The following REV3L variants were observed in gnomAD, a reference collection of about 807,000 sequenced individuals.
REV3L encodes DNA polymerase zeta catalytic subunit.
REV3L carries 69 observed loss-of-function variants against 299.4 expected under a neutral mutation model. The ratio of observed to expected loss-of-function variants is 0.23; its 90% CI spans 0.19 to 0.28. The LOEUF (loss-of-function observed/expected upper bound fraction) is 0.28. Ranked by LOEUF, REV3L falls within the 10% of genes least tolerant of loss-of-function variation. The probability of loss-of-function intolerance (pLI) is 1.00; values close to 1 mark genes in which losing one functional copy is unlikely to be tolerated. For missense variants in REV3L, 3,128 were observed against 3,693.8 expected, an observed-to-expected ratio of 0.85 and a Z score of 3.97; for synonymous variants, 1,238 against 1,271.4, an observed-to-expected ratio of 0.97 and a Z score of 0.56.
chr6:111,310,786 A>G (rs1772886790), intron 29 of REV3L: 2 of 315,234 alleles, frequency 6.3e-6, no homozygotes, highest in Admixed American at 4.8e-5. Context: ...TGGTAGAACA[A>G]TATTAAGGAC....
intron 13 of REV3L, among the ~76,000 whole-genome samples, chr6:111,370,235 C>T (rs1364103395): frequency 6.6e-6 from 1 of 152,164 alleles, no homozygotes; most frequent in Non-Finnish European, 1.5e-5. Flanking sequence ...AAGGTAATGA[C>T]TAGCACATAA....
chr6:111,373,537 T>C lies in REV3L; in HGVS notation c.4818A>G (p.Leu1606=), dbSNP rs745490439. 1 of 1,613,384 alleles carries C rather than the reference T, an allele frequency of 6.2e-7. No individual in the cohort carries two copies. Among genetic ancestry groups the C allele is most frequent in the Non-Finnish European group, 8.5e-7 (1 of 1,179,836 alleles). The change falls in exon 13 of 32, where the codon TTA becomes TTG. Residue 1606 remains leucine, a synonymous_variant. Coordinates refer to ENST00000368802, the MANE Select transcript of REV3L (RefSeq NM_001372078.1). Reference sequence around the variant, plus strand: ...AGTTATCCAACTGGCTAGAGTTTTGTAAATTTAAAGAGTCTACTTTGAGAA... The same window carrying C: ...AGTTATCCAACTGGCTAGAGTTTTGCAAATTTAAAGAGTCTACTTTGAGAA... ...PKLLKVDSLN[L]QNSSQLDNSV...
chr6:111,404,543 T>C (rs761907196), intron 4 of REV3L, among the ~76,000 whole-genome samples: 26 of 152,206 alleles, frequency 1.7e-4, no homozygotes, highest in Non-Finnish European at 8.8e-5. Context: ...ATTCCACTGA[T>C]GGATCTGGGC....
intron 1 of REV3L, among the ~76,000 whole-genome samples, chr6:111,462,899 A>G (rs1790971964): frequency 6.6e-6 from 1 of 152,210 alleles, no homozygotes; most frequent in Admixed American, 6.5e-5. Context: ...CGAGACTCAC[A>G]TAACCCAAAC....
chr6:111,453,296 A>C (rs1303846388), intron 1 of REV3L, among the ~76,000 whole-genome samples: 1 of 152,194 alleles, frequency 6.6e-6, no homozygotes, highest in African/African-American at 2.4e-5. Flanking sequence ...TAGAAGTTCT[A>C]ATGTACACGT....
chr6:111,340,695 T>C (rs1439907700), intron 21 of REV3L, among the ~76,000 whole-genome samples: 1 of 152,084 alleles, frequency 6.6e-6, no homozygotes, highest in African/African-American at 2.4e-5. Context: ...TTGTATTCAC[T>C]TAAAGTTAAG....
chr6:111,335,714 C>T, intron 21 of REV3L, 104 bp from the exon 22 acceptor site: 1 of 1,162,756 alleles, frequency 8.6e-7, no homozygotes. Context: ...AGTGAGGTTA[C>T]TTAAGGAAAG....
At chr6:111,327,680 A>G (rs1774984839) in intron 25 of REV3L, among the ~76,000 whole-genome samples, 1 of 152,180 alleles carries the variant, frequency 6.6e-6, no homozygotes, top group Non-Finnish European at 1.5e-5. Context: ...AGGACTGACA[A>G]AGTATTTTTT....
In REV3L at chr6:111,349,323, C is replaced by G. The variant is rs750733446; in HGVS notation, c.7314G>C (p.Glu2438Asp). 1 of 1,579,054 alleles carries G rather than the reference C, an allele frequency of 6.3e-7. No homozygotes were observed. Among genetic ancestry groups the G allele is most frequent in the South Asian group, 1.1e-5 (1 of 87,656 alleles). ...MISRVPDDKIENRFAAERDEY... is the reference protein window; with the variant it reads ...MISRVPDDKIDNRFAAERDEY... ...CATCTCTTTCAGCTGCAAATCTGTTCTCAATTTTGTCATCTATAGAAATGA... is the reference window on the plus strand; with the variant it reads ...CATCTCTTTCAGCTGCAAATCTGTTGTCAATTTTGTCATCTATAGAAATGA... The change falls in exon 20 of 32, where the codon GAG (glutamate) becomes GAC (aspartate). Residue 2438 changes from glutamate to aspartate, a missense_variant. Around this residue, in one of 9 missense-constraint regions of REV3L, gnomAD observed 50 missense variants for 48.2 expected, o/e 1.04. Coordinates refer to ENST00000368802, the MANE Select transcript of REV3L (RefSeq NM_001372078.1).
intron 19 of REV3L, among the ~76,000 whole-genome samples, chr6:111,349,591 A>C (rs1777389043): frequency 6.6e-6 from 1 of 151,696 alleles, no homozygotes; most frequent in Non-Finnish European, 1.5e-5. Flanking sequence ...TTTGTTTTTT[A>C]TGTTGCCCAG....
intron 4 of REV3L, among the ~76,000 whole-genome samples, chr6:111,395,561 T>C (rs896434747): frequency 3.9e-5 from 6 of 152,180 alleles, no homozygotes; most frequent in Admixed American, 6.5e-5. Flanking sequence ...TAAAAAAAAA[T>C]CTGCAACTTT....
chr6:111,390,256 T>C lies in REV3L; in HGVS notation c.663-76A>G, dbSNP rs1781781926. On this transcript the variant is annotated intron_variant, in intron 5 of 31. Transcript: ENST00000368802. Reference sequence around the variant, plus strand: ...CTAACATTTTTCTTACTTATACAATTATCTTACATTTAGCTTGTACCCAGA... The same window carrying C: ...CTAACATTTTTCTTACTTATACAATCATCTTACATTTAGCTTGTACCCAGA... The C allele has an allele frequency of 6.8e-6, 6 of 880,590 alleles. No individual in the cohort carries two copies. The East Asian group carries it at 1.6e-4, about 23-fold the overall frequency. 54.5% of individuals were successfully genotyped at this position (880,590 alleles called of 1,614,324 possible).
At chr6:111,364,083 T>C (rs1778965876) in intron 15 of REV3L, 105 bp from the exon 16 acceptor site, 1 of 1,425,778 alleles carries the variant, frequency 7.0e-7, no homozygotes, top group Non-Finnish European at 9.4e-7. Flanking sequence ...TGTTTAGTAA[T>C]AAATGGTAAA....
intron 30 of REV3L, 32 bp downstream of exon 30, chr6:111,309,821 G>A (rs1378359832): frequency 6.3e-7 from 1 of 1,598,752 alleles, no homozygotes; most frequent in Non-Finnish European, 8.5e-7. Flanking sequence ...TCTCTCCATA[G>A]TTAGAGCACA....
chr6:111,402,777 A>ATT (rs1456551370), intron 4 of REV3L, among the ~76,000 whole-genome samples: 2 of 152,202 alleles, frequency 1.3e-5, no homozygotes, highest in Non-Finnish European at 2.9e-5. Context: ...AAGAAAAAAA[A>ATT]TTATGGCAGT....
At chr6:111,470,132 A>AG (rs528068934) in intron 1 of REV3L, among the ~76,000 whole-genome samples, 260 of 152,166 alleles carry the variant, frequency 1.7e-3, no homozygotes, top group Non-Finnish European at 7.6e-4. Flanking sequence ...ATATTGCTTC[A>AG]GAAAAAAAAA....
chr6:111,480,444 T>C (rs530959491), intron 1 of REV3L, among the ~76,000 whole-genome samples: 40 of 152,338 alleles, frequency 2.6e-4, no homozygotes, highest in African/African-American at 9.4e-4. Context: ...TTTTATTTTA[T>C]TGGACTAGTT....
intron 13 of REV3L, among the ~76,000 whole-genome samples, chr6:111,368,684 AAC>A (rs1242832958): frequency 6.6e-6 from 1 of 152,172 alleles, no homozygotes; most frequent in African/African-American, 2.4e-5. Flanking sequence ...CACTAATGAA[AAC>A]AGTCTGGTTT....
chr6:111,468,050 ATCCT>A (rs1791719092), intron 1 of REV3L, among the ~76,000 whole-genome samples: 1 of 152,196 alleles, frequency 6.6e-6, no homozygotes, highest in African/African-American at 2.4e-5. Context: ...AGAGGTTATG[ATCCT>A]ACTCCTTGGA....
Sources: gnomAD v4.1 joint callset for allele counts (sites outside exome capture counted in the v4.1 genomes callset) on GRCh38, gnomAD v4.1.1 for gene constraint, gnomAD v4.1.1 regional missense constraint, MANE v1.5 for transcripts, NCBI Gene and HGNC (gene_info 2026-07-23, HGNC 2026-07-21) for gene names.